The following CXADR variants were observed in gnomAD, a reference collection of about 807,000 sequenced individuals.
CXADR encodes the protein coxsackievirus and adenovirus receptor.
CXADR carries 20 observed loss-of-function variants against 40.3 expected under a neutral mutation model. The ratio of observed to expected loss-of-function variants is 0.50; its 90% CI spans 0.35 to 0.72. The LOEUF (loss-of-function observed/expected upper bound fraction) is 0.72. Among genes scored for constraint, CXADR ranks in the 30% least tolerant of loss-of-function variants. The probability of loss-of-function intolerance (pLI) is 0.01; values close to 1 mark genes in which losing one functional copy is unlikely to be tolerated. For missense variants in CXADR, 332 were observed against 449.1 expected (o/e 0.74, Z 2.36); for synonymous variants, 150 against 161.3 (o/e 0.93, Z 0.53).
chr21:17,528,089 T>TG (rs2060621265), intron 1 of CXADR, among the ~76,000 whole-genome samples: 1 of 144,496 alleles, frequency 6.9e-6, no homozygotes. Flanking sequence ...TTTTTTTTTT[T>TG]TTGAGACAGA....
chr21:17,623,952 G>T, the CXADR span, among the ~76,000 whole-genome samples: 1 of 152,142 alleles, frequency 6.6e-6, no homozygotes, highest in Non-Finnish European at 1.5e-5. Context: ...AATTTCCCTA[G>T]TTCAAGCTGT....
chr21:17,518,816 T>G, intron 1 of CXADR: 2 of 1,568,024 alleles, frequency 1.3e-6, no homozygotes, highest in South Asian at 2.2e-5. Context: ...CCATCATCTT[T>G]AATCATGTTC....
At chr21:17,591,280 C>A (rs903436665) in intron 7 of CXADR, among the ~76,000 whole-genome samples, 1 of 152,008 alleles carries the variant, frequency 6.6e-6, no homozygotes. Flanking sequence ...ATGGTACATA[C>A]CCCCTGAGGC....
At chr21:17,593,195 T>C (rs965526253) in exon 8 of CXADR, 1 of 1,457,054 alleles carries the variant, frequency 6.9e-7, no homozygotes, top group East Asian at 2.5e-5. Context: ...GTTGTATAAA[T>C]ATGGACTACT....
intron 6 of CXADR, among the ~76,000 whole-genome samples, chr21:17,564,352 C>A (rs1405365816): frequency 1.3e-5 from 2 of 150,080 alleles, no homozygotes; most frequent in African/African-American, 2.4e-5. Flanking sequence ...GAAAAAGATA[C>A]AATGTATATA....
chr21:17,608,825 G>A, the CXADR span: 19 of 763,610 alleles, frequency 2.5e-5, no homozygotes, highest in Non-Finnish European at 3.5e-5. Context: ...TTTAAAATGA[G>A]TAAGGAGAAA....
At chr21:17,593,754 C>T (rs997810853), downstream of CXADR, 4 of 200,090 alleles carry the variant, frequency 2.0e-5, no homozygotes, top group South Asian at 1.6e-4. Context: ...AACTTACATA[C>T]GCTCCATAAA....
chr21:17,609,868 C>G, the CXADR span, among the ~76,000 whole-genome samples: 2 of 151,984 alleles, frequency 1.3e-5, no homozygotes, highest in African/African-American at 4.8e-5. Context: ...ATGGGTGAAC[C>G]TTGAACACAG....
downstream of CXADR, among the ~76,000 whole-genome samples, chr21:17,597,046 C>G (rs112796133): frequency 0.017 from 2,575 of 152,140 alleles, 31 homozygotes; most frequent in Non-Finnish European, 0.024. Flanking sequence ...AGCTTTCACA[C>G]AAGTAGTGTT....
intron 7 of CXADR, among the ~76,000 whole-genome samples, chr21:17,577,425 T>C (rs144367303): frequency 2.6e-5 from 4 of 152,206 alleles, no homozygotes; most frequent in South Asian, 2.1e-4. Flanking sequence ...CCATAACTTA[T>C]CATTTTCTTA....
At chr21:17,546,392 T>TA (rs1367554329) in intron 1 of CXADR, among the ~76,000 whole-genome samples, 1 of 152,146 alleles carries the variant, frequency 6.6e-6, no homozygotes, top group Non-Finnish European at 1.5e-5. Flanking sequence ...GGGTAATTTA[T>TA]AAAGAAAAGA....
At chr21:17,607,072 T>C in the CXADR span, among the ~76,000 whole-genome samples, 1 of 152,216 alleles carries the variant, frequency 6.6e-6, no homozygotes, top group Non-Finnish European at 1.5e-5. Context: ...TTATATTCTA[T>C]TCATTTTTAT....
At chr21:17,546,231 G>C (rs1225016936) in intron 1 of CXADR, among the ~76,000 whole-genome samples, 1 of 152,192 alleles carries the variant, frequency 6.6e-6, no homozygotes, top group Non-Finnish European at 1.5e-5. Flanking sequence ...AGCAGAAACT[G>C]TGTCACAGTT....
At chr21:17,552,010 G>GTGCTGC in intron 3 of CXADR, 57 bp downstream of exon 3, 1 of 1,284,904 alleles carries the variant, frequency 7.8e-7, no homozygotes, top group Non-Finnish European at 1.1e-6. Context: ...ATTAGTCATA[G>GTGCTGC]TACTGTAGTA....
chr21:17,558,094 T>TTA (rs1245718071), intron 3 of CXADR, among the ~76,000 whole-genome samples: 1 of 149,904 alleles, frequency 6.7e-6, no homozygotes, highest in African/African-American at 2.5e-5. Context: ...TTTTTTTTTT[T>TTA]AATTAAATAT....
At position 17,575,788 on chromosome 21, in the gene CXADR, T is replaced by TAA. The variant is rs201092292; in HGVS notation, c.1017+10185_1017+10186dup. Among the ~76,000 whole-genome samples the TAA allele has an allele frequency of 5.1e-3, 762 of 148,018 alleles. 8 individuals carry two copies. The highest frequency in any genetic ancestry group is 0.017 in the African/African-American group (692 of 40,334). On this transcript the variant is annotated intron_variant, in intron 7 of 7. Coordinates refer to the CXADR transcript ENST00000400169. ...GATTAATTTGTAAAATTTTTAAAGT[T>TAA]AAAAAAAAATGATTTTAGGCTGGGC...
chr21:17,618,478 C>T, the CXADR span, among the ~76,000 whole-genome samples: 15 of 152,152 alleles, frequency 9.9e-5, no homozygotes, highest in Admixed American at 2.0e-4. Context: ...TCGCTCAGAG[C>T]CATCAGAGAA....
In CXADR at chr21:17,518,944, C is replaced by T. The variant is rs971320296; in HGVS notation, c.43+5772C>T. 73 of 1,607,772 alleles carry T rather than the reference C, an allele frequency of 4.5e-5. 1 individual carries two copies. Among genetic ancestry groups the T allele is most frequent in the Non-Finnish European group, 2.8e-5 (33 of 1,174,728 alleles). On this transcript the variant is annotated intron_variant, in intron 1 of 6. Transcript: ENST00000284878. ...CTTCTTTCTGCGAGCTGTACCCTTG[C>T]CCCCTATCCGGACCTGAGCCTGAAG...
intron 1 of CXADR, chr21:17,518,607 TG>T (rs1350014165): frequency 6.8e-7 from 1 of 1,479,908 alleles, no homozygotes; most frequent in Non-Finnish European, 9.4e-7. Flanking sequence ...CTTCTGGTTT[TG>T]CTGCTTTACT....
Sources: gnomAD v4.1 joint callset for allele counts (sites outside exome capture counted in the v4.1 genomes callset) on GRCh38, gnomAD v4.1.1 for gene constraint, MANE v1.5 for transcripts, NCBI Gene and HGNC (gene_info 2026-07-23, HGNC 2026-07-21) for gene names.